The following MAP7 variants were observed in gnomAD, a reference collection of about 807,000 sequenced individuals.
MAP7 encodes ensconsin.
MAP7 carries 52 observed loss-of-function variants against 94.8 expected under a neutral mutation model. That is an observed-to-expected ratio of 0.55 (90% CI 0.44 to 0.69). The LOEUF (loss-of-function observed/expected upper bound fraction) is 0.69, where lower values mean the gene tolerates loss of function less well. MAP7 is among the 30% of genes least tolerant of loss of function. The pLI is 0.00. For synonymous variants in MAP7, 350 were observed against 357.0 expected, an observed-to-expected ratio of 0.98 and a Z score of 0.22; for missense variants, 940 against 964.6, an observed-to-expected ratio of 0.97 and a Z score of 0.34.
At chr6:136,449,589 G>A (rs1800477235) in intron 1 of MAP7, among the ~76,000 whole-genome samples, 1 of 152,206 alleles carries the variant, frequency 6.6e-6, no homozygotes, top group Admixed American at 6.5e-5. Flanking sequence ...GCTGATACTC[G>A]GTGATTGCTG....
chr6:136,387,048 G>A (rs1412433715), intron 5 of MAP7, among the ~76,000 whole-genome samples: 2 of 152,188 alleles, frequency 1.3e-5, no homozygotes, highest in Non-Finnish European at 2.9e-5. Flanking sequence ...CTGGCCTCAA[G>A]GGATCCTCCT....
chr6:136,480,163 A>G (rs997204303), intron 1 of MAP7, among the ~76,000 whole-genome samples: 2 of 152,202 alleles, frequency 1.3e-5, no homozygotes, highest in Non-Finnish European at 2.9e-5. Flanking sequence ...ACAATGGAAC[A>G]GAATAGATAA....
chr6:136,414,870 AGT>A (rs1788852244), intron 2 of MAP7, among the ~76,000 whole-genome samples: 1 of 148,392 alleles, frequency 6.7e-6, no homozygotes, highest in African/African-American at 2.5e-5. Context: ...GCTGGAGTGC[AGT>A]GGCGTGATCT....
chr6:136,430,179 T>C (rs754688711), intron 1 of MAP7, among the ~76,000 whole-genome samples: 3 of 152,216 alleles, frequency 2.0e-5, no homozygotes, highest in African/African-American at 2.4e-5. Flanking sequence ...ATTTAAATAA[T>C]GTGGAAAAGA....
intron 1 of MAP7, among the ~76,000 whole-genome samples, chr6:136,475,548 G>A (rs899434926): frequency 1.3e-5 from 2 of 152,116 alleles, no homozygotes; most frequent in Non-Finnish European, 2.9e-5. Context: ...TTCTTGATGT[G>A]TTGTTGATCT....
intron 1 of MAP7, among the ~76,000 whole-genome samples, chr6:136,452,789 G>A (rs972031387): frequency 1.3e-5 from 2 of 152,176 alleles, no homozygotes; most frequent in African/African-American, 2.4e-5. Context: ...CTGACCTCAA[G>A]TGATCTGCCC....
intron 17 of MAP7, among the ~76,000 whole-genome samples, chr6:136,344,680 T>C (rs1057514071): frequency 2.0e-5 from 3 of 152,184 alleles, no homozygotes; most frequent in Non-Finnish European, 2.9e-5. Flanking sequence ...CAACATACCA[T>C]TAGTCGGATT....
chr6:136,405,490 G>A (rs1189464298), intron 3 of MAP7, among the ~76,000 whole-genome samples: 1 of 152,222 alleles, frequency 6.6e-6, no homozygotes, highest in African/African-American at 2.4e-5. Flanking sequence ...TGGCTGTAGT[G>A]TTTAAGAAAC....
chr6:136,386,061 G>A (rs1186312601), intron 5 of MAP7, among the ~76,000 whole-genome samples: 8 of 152,080 alleles, frequency 5.3e-5, no homozygotes, highest in East Asian at 1.9e-4. Flanking sequence ...GTGAGCCACC[G>A]CACCCTGCTG....
At chr6:136,431,492 CTTTATTTATTTATTTATTTA>C (rs10562140) in intron 1 of MAP7, among the ~76,000 whole-genome samples, 2 of 145,352 alleles carry the variant, frequency 1.4e-5, no homozygotes, top group African/African-American at 2.5e-5. Flanking sequence ...CTTTTTAATG[CTTTATTTATTTATTTATTTA>C]TTTATTTATT....
rs113075080 is a variant in MAP7 at position 136,504,916 on chromosome 6, G to A, written c.67+45426C>T. Among the ~76,000 whole-genome samples, 55 of 152,010 alleles carry A rather than the reference G, an allele frequency of 3.6e-4. 1 individual carries two copies. The highest frequency in any genetic ancestry group is 1.3e-3 in the African/African-American group (52 of 41,450). On this transcript the variant is annotated intron_variant, in intron 1 of 17. Coordinates refer to ENST00000354570, the MANE Select transcript of MAP7 (RefSeq NM_003980.6). ...TCTGGTCTCAAAATACTGACCTCAGGTGATCCTCCCACCTTGGCTTCCCAA... is the reference window on the plus strand; with the variant it reads ...TCTGGTCTCAAAATACTGACCTCAGATGATCCTCCCACCTTGGCTTCCCAA...
In MAP7 at chr6:136,342,851, GA is replaced by G. The variant is rs2128504428; in HGVS notation, c.*1376del. The G allele has an allele frequency of 6.6e-6, 1 of 152,202 alleles. No homozygotes were observed. Among genetic ancestry groups the G allele is most frequent in the East Asian group, 1.9e-4 (1 of 5,172 alleles). 9.4% of individuals were successfully genotyped at this position (152,202 alleles called of 1,614,324 possible). A position where few individuals can be genotyped will look rare whatever the true frequency, so the allele number is the denominator to read the frequency against. ...AATGACTATGTGTACATGGACAACTGAAAACAGGGAAAACCCCCAAATTAAT... is the reference window on the plus strand; with the variant it reads ...AATGACTATGTGTACATGGACAACTGAAACAGGGAAAACCCCCAAATTAAT... On this transcript the variant is annotated 3_prime_UTR_variant, in exon 18 of 18. Transcript: ENST00000354570.
At chr6:136,498,887 G>A (rs978775217) in intron 1 of MAP7, among the ~76,000 whole-genome samples, 1 of 151,936 alleles carries the variant, frequency 6.6e-6, no homozygotes, top group Non-Finnish European at 1.5e-5. Context: ...AAGTCATTAG[G>A]ATACTAGCTC....
chr6:136,480,098 G>T (rs1037583341), intron 1 of MAP7, among the ~76,000 whole-genome samples: 2 of 152,096 alleles, frequency 1.3e-5, no homozygotes, highest in Non-Finnish European at 2.9e-5. Context: ...AAATTATACT[G>T]CAGAGTCATA....
chr6:136,541,386 C>T (rs1829304544), intron 1 of MAP7, among the ~76,000 whole-genome samples: 1 of 152,044 alleles, frequency 6.6e-6, no homozygotes, highest in Admixed American at 6.5e-5. Flanking sequence ...AGAGGTTATG[C>T]CATAGTGAAG....
At chr6:136,495,541 G>A (rs1275746605) in intron 1 of MAP7, among the ~76,000 whole-genome samples, 1 of 152,086 alleles carries the variant, frequency 6.6e-6, no homozygotes, top group Non-Finnish European at 1.5e-5. Flanking sequence ...GCTCCAATGA[G>A]CATTCCCTTT....
At chr6:136,444,095 A>T (rs943198303) in intron 1 of MAP7, among the ~76,000 whole-genome samples, 1 of 152,238 alleles carries the variant, frequency 6.6e-6, no homozygotes, top group Non-Finnish European at 1.5e-5. Context: ...TGTGTATTTT[A>T]AAAATTTATT....
intron 1 of MAP7, among the ~76,000 whole-genome samples, chr6:136,462,848 G>C (rs1020398016): frequency 6.6e-6 from 1 of 150,954 alleles, no homozygotes; most frequent in African/African-American, 2.4e-5. Context: ...TGTAGTCCCA[G>C]TTACTTGGGA....
At chr6:136,425,401 A>G (rs2128786840) in intron 1 of MAP7, among the ~76,000 whole-genome samples, 1 of 152,264 alleles carries the variant, frequency 6.6e-6, no homozygotes, top group South Asian at 2.1e-4. Flanking sequence ...TGGGGGAGTG[A>G]CCTAGAACAC....
Sources: allele counts gnomAD v4.1 joint callset (sites outside exome capture counted in the v4.1 genomes callset), GRCh38; gene constraint gnomAD v4.1.1; transcripts MANE v1.5; gene names NCBI Gene and HGNC (gene_info 2026-07-23, HGNC 2026-07-21).